Variants in EFCAB7 observed in about 807,000 individuals in gnomAD.
EFCAB7 encodes the protein EF-hand calcium binding domain 7, also known as EF-hand calcium-binding domain-containing protein 7.
In EFCAB7, 66 loss-of-function variants were observed where a neutral mutation model predicts 77.1. The ratio of observed to expected loss-of-function variants is 0.86; its 90% CI spans 0.70 to 1.05. The LOEUF is 1.05. EFCAB7 is among the 50% of genes least tolerant of loss of function. EFCAB7 has a pLI of 0.00. For synonymous variants in EFCAB7, 225 were observed against 243.3 expected (o/e 0.92, Z 0.70); for missense variants, 638 against 730.5 (o/e 0.87, Z 1.46).
At chr1:63,545,886 T>C in intron 6 of EFCAB7, 30 bp from the exon 7 acceptor site, 1 of 1,593,122 alleles carries the variant, frequency 6.3e-7, no homozygotes, top group Non-Finnish European at 8.6e-7. Flanking sequence ...TAATAAATAT[T>C]GTTTGAAATA....
intron 6 of EFCAB7, among the ~76,000 whole-genome samples, chr1:63,538,546 C>T (rs1487483005): frequency 1.3e-5 from 2 of 152,032 alleles, no homozygotes; most frequent in Admixed American, 6.5e-5. Flanking sequence ...CTCCGCCTCC[C>T]GAGTTCGAGT....
chr1:63,546,625 C>T (rs1263263042), intron 7 of EFCAB7, among the ~76,000 whole-genome samples: 2 of 152,174 alleles, frequency 1.3e-5, no homozygotes, highest in Non-Finnish European at 2.9e-5. Context: ...GCTTCGGCCT[C>T]TCAAAGGGCT....
intron 8 of EFCAB7, among the ~76,000 whole-genome samples, chr1:63,553,949 C>G (rs1646996728): frequency 6.6e-6 from 1 of 152,134 alleles, no homozygotes; most frequent in South Asian, 2.1e-4. Flanking sequence ...ATCTTCCTGC[C>G]TTAGCATCTC....
At chr1:63,581,335 C>T in the EFCAB7 span, among the ~76,000 whole-genome samples, 312 of 142,770 alleles carry the variant, frequency 2.2e-3, no homozygotes, top group African/African-American at 8.0e-3. Context: ...TCAGGAGGCT[C>T]ATGCAGGAGG....
At chr1:63,528,669 T>C (rs1646640525) in intron 2 of EFCAB7, among the ~76,000 whole-genome samples, 2 of 152,050 alleles carry the variant, frequency 1.3e-5, no homozygotes, top group African/African-American at 4.8e-5. Context: ...AATCTCATAT[T>C]ATACACCTAC....
chr1:63,571,482 T>A (rs906537873), intron 13 of EFCAB7, among the ~76,000 whole-genome samples: 9 of 152,028 alleles, frequency 5.9e-5, no homozygotes, highest in Admixed American at 2.6e-4. Flanking sequence ...AAGACCAGCC[T>A]AGCCAACATG....
chr1:63,525,875 G>A, intron 2 of EFCAB7, 116 bp downstream of exon 2: 1 of 691,950 alleles, frequency 1.4e-6, no homozygotes, highest in Non-Finnish European at 2.3e-6. Context: ...AGTGAAGCTT[G>A]AGCAATGGAA....
At chr1:63,549,303 A>G (rs1168301083) in intron 7 of EFCAB7, 1 of 468,390 alleles carries the variant, frequency 2.1e-6, no homozygotes, top group African/African-American at 2.0e-5. Context: ...TTTCTTACCT[A>G]TTTGATGAAG....
downstream of EFCAB7, among the ~76,000 whole-genome samples, chr1:63,575,831 G>C (rs1014416193): frequency 6.6e-6 from 1 of 151,898 alleles, no homozygotes. Flanking sequence ...CAAGCGATTT[G>C]GTGCCTTGGC....
At chr1:63,578,784 T>A in the EFCAB7 span, among the ~76,000 whole-genome samples, 1 of 151,876 alleles carries the variant, frequency 6.6e-6, no homozygotes, top group East Asian at 2.0e-4. Flanking sequence ...GTCCCTAATG[T>A]GTGCAAAGTA....
chr1:63,567,773 T>C (rs1273640951), intron 11 of EFCAB7, among the ~76,000 whole-genome samples: 2 of 152,190 alleles, frequency 1.3e-5, no homozygotes, highest in African/African-American at 2.4e-5. Context: ...ATTGGCTTTT[T>C]ACCACATTGT....
chr1:63,527,537 G>A (rs1002704287), intron 2 of EFCAB7, among the ~76,000 whole-genome samples: 4 of 151,916 alleles, frequency 2.6e-5, no homozygotes, highest in Non-Finnish European at 4.4e-5. Context: ...GATTATAGAT[G>A]CATGTCAGAA....
chr1:63,560,331 T>A (rs907855141), intron 10 of EFCAB7, among the ~76,000 whole-genome samples: 5 of 152,066 alleles, frequency 3.3e-5, no homozygotes, highest in African/African-American at 1.2e-4. Context: ...ATAGTCTCTA[T>A]AGTACAGTAT....
chr1:63,575,101 AATT>A (rs1341923018), downstream of EFCAB7, among the ~76,000 whole-genome samples: 9 of 152,294 alleles, frequency 5.9e-5, no homozygotes, highest in African/African-American at 1.9e-4. Context: ...TAAAAAAACT[AATT>A]ATCTAACATG....
intron 7 of EFCAB7, chr1:63,549,459 C>G (rs1646939742): frequency 2.2e-6 from 1 of 463,066 alleles, no homozygotes. Context: ...TTGGAGCTTA[C>G]TCAGAGGACT....
rs770760896 is a variant in EFCAB7, at chr1:63,533,453, G to A, written c.487-1G>A. The A allele has an allele frequency of 6.3e-7, 1 of 1,592,954 alleles. No individual in the cohort carries two copies. The highest frequency in any genetic ancestry group is 8.5e-7 in the Non-Finnish European group (1 of 1,174,058). ...CCCACTGGACTTTTTTTTTCCTGTA[G>A]TTTTGTAAATTATATATGACAACCA... On this transcript the variant is annotated splice_acceptor_variant, in intron 4 of 13. Transcript: ENST00000371088. LOFTEE classifies it high-confidence loss of function.
intron 9 of EFCAB7, 87 bp from the exon 10 acceptor site, chr1:63,557,027 G>T: frequency 1.8e-6 from 2 of 1,119,952 alleles, no homozygotes; most frequent in Admixed American, 2.9e-5. Context: ...GACAGAGTGA[G>T]ACTCCGTCTC....
intron 11 of EFCAB7, among the ~76,000 whole-genome samples, chr1:63,565,653 A>T (rs1311624131): frequency 1.3e-5 from 2 of 151,518 alleles, no homozygotes; most frequent in East Asian, 3.9e-4. Flanking sequence ...CTAATATCCA[A>T]TATCTATAAG....
chr1:63,560,671 A>G (rs1647087938), intron 10 of EFCAB7, among the ~76,000 whole-genome samples: 1 of 152,032 alleles, frequency 6.6e-6, no homozygotes. Context: ...GCATGCCAGC[A>G]TGCCGGGCTA....
Sources: allele counts gnomAD v4.1 joint callset (sites outside exome capture counted in the v4.1 genomes callset), GRCh38; gene constraint gnomAD v4.1.1; transcripts MANE v1.5; gene names NCBI Gene and HGNC (gene_info 2026-07-23, HGNC 2026-07-21).